Variants in IRS1 observed in about 807,000 individuals in gnomAD.
The protein encoded by IRS1 is insulin receptor substrate 1.
IRS1 carries 34 observed loss-of-function variants against 65.6 expected under a neutral mutation model. The observed-to-expected ratio is 0.52, with a 90% CI of 0.39 to 0.69. IRS1 has a LOEUF of 0.69. Among genes scored for constraint, IRS1 ranks in the 30% least tolerant of loss-of-function variants. The pLI is 0.00. For synonymous variants in IRS1, 699 were observed against 683.5 expected (o/e 1.02, Z -0.35); for missense variants, 1,641 against 1,720.2 (o/e 0.95, Z 0.81).
At position 226,797,528 on chromosome 2, in the gene IRS1, G is replaced by A. The variant is rs1395337787; in HGVS notation, c.1211C>T (p.Ser404Leu). Reference protein sequence around the residue: ...SSSTSGHGSTSDCLFPRRSSA... With the variant: ...SSSTSGHGSTLDCLFPRRSSA... ...AGATCGCCGTGGGAAGAGACAATCC[G>A]AGGTGGAGCCATGGCCACTGGTGCT... The change falls in exon 1 of 2, where the codon TCG (serine) becomes TTG (leucine). Residue 404 changes from serine (S) to leucine (L), a missense_variant. Ser to Leu is a moderately radical substitution (Grantham distance 145). Around this residue, in one of 3 missense-constraint regions of IRS1, gnomAD observed 1,324 missense variants for 1,361.0 expected, o/e 0.97. Coordinates refer to ENST00000305123, the MANE Select transcript of IRS1 (RefSeq NM_005544.3). The surrounding 1 kb of genome is among the most constrained non-coding windows in gnomAD (Gnocchi z 8.1). The A allele has an allele frequency of 6.2e-7, 1 of 1,611,062 alleles. No homozygotes were observed. Among genetic ancestry groups the A allele is most frequent in the African/African-American group, 1.3e-5 (1 of 75,026 alleles).
At chr2:226,750,798 T>C (rs1938663301) in intron 1 of IRS1, among the ~76,000 whole-genome samples, 1 of 152,216 alleles carries the variant, frequency 6.6e-6, no homozygotes, top group South Asian at 2.1e-4. Flanking sequence ...GTGGCACTTC[T>C]CTAACTTAAA....
intron 1 of IRS1, among the ~76,000 whole-genome samples, chr2:226,751,497 A>T (rs920510697): frequency 6.6e-6 from 1 of 151,806 alleles, no homozygotes; most frequent in Non-Finnish European, 1.5e-5. Context: ...GTTAGCCAGG[A>T]TGGTCTCGAT....
intron 1 of IRS1, among the ~76,000 whole-genome samples, chr2:226,791,795 G>C (rs1041372747): frequency 1.3e-5 from 2 of 152,102 alleles, no homozygotes; most frequent in Admixed American, 6.5e-5. Context: ...GCCCGAGGGC[G>C]GGGCCTCGCC....
Position 226,734,349 on chromosome 2 carries a change from G to A in IRS1, c.*1923C>T, listed in dbSNP as rs973754009. On this transcript the variant is annotated 3_prime_UTR_variant, in exon 2 of 2. Transcript: ENST00000305123. ...GACCCTATTTATCTTAGAAATTGAT[G>A]AGCATGCAAATGATTAAAATCTGCA... is the stretch of plus-strand genomic sequence containing the variant. The A allele has an allele frequency of 6.6e-6, 1 of 152,304 alleles. No homozygotes were observed. The allele number at this position is 152,304 out of a possible 1,614,324, so 9.4% of individuals were successfully genotyped here.
rs781289610 is a variant in IRS1, at chr2:226,796,118, G to T, written c.2621C>A (p.Ala874Asp). ...GDPKASTLPR[A>D]REQQQQQQPL... ...CTGCTGCTGCTGCTGCTGCTCTCGG[G>T]CCCGAGGTAAGGTGCTGGCCTTGGG... Residue 874 changes from alanine to aspartate, a missense_variant, in exon 1 of 2, where the codon GCC (alanine) becomes GAC (aspartate). Transcript: ENST00000305123. The T allele has an allele frequency of 1.2e-6, 2 of 1,613,670 alleles. No homozygotes were observed. The highest frequency in any genetic ancestry group is 1.7e-6 in the Non-Finnish European group (2 of 1,180,004).
intron 1 of IRS1, among the ~76,000 whole-genome samples, chr2:226,749,609 C>T (rs1938632228): frequency 6.6e-6 from 1 of 152,174 alleles, no homozygotes. Context: ...CCATGGTGGC[C>T]TCCTCCGTCT....
At chr2:226,738,634 A>G (rs1938376440) in intron 1 of IRS1, among the ~76,000 whole-genome samples, 1 of 152,208 alleles carries the variant, frequency 6.6e-6, no homozygotes, top group Admixed American at 6.5e-5. Flanking sequence ...ATGAAAAGAA[A>G]GCCCGTCCCT....
At chr2:226,766,761 T>A (rs1366111124) in intron 1 of IRS1, among the ~76,000 whole-genome samples, 1 of 152,162 alleles carries the variant, frequency 6.6e-6, no homozygotes, top group African/African-American at 2.4e-5. Context: ...TTTTGTGTCT[T>A]CTGCTTCCCT....
chr2:226,796,410 G>A lies in IRS1; in HGVS notation c.2329C>T (p.Pro777Ser), dbSNP rs1023103924. ...CGGGCACCCTCCTCCGGCTCCCCGGGGCGCTGGGTGTGCTTAAAGGATCTT... is the reference window on the plus strand; with the variant it reads ...CGGGCACCCTCCTCCGGCTCCCCGGAGCGCTGGGTGTGCTTAAAGGATCTT... ...LPRSFKHTQR[P>S]GEPEEGARHQ... is the part of the protein sequence containing the mutation. The change falls in exon 1 of 2, where the codon CCC (proline) becomes TCC (serine). Residue 777 changes from proline to serine, a missense_variant. Transcript: ENST00000305123. 1.2e-6 allele frequency: 2 copies of A among 1,613,456 alleles called. No individual in the cohort carries two copies. The highest frequency in any genetic ancestry group is 1.7e-6 in the Non-Finnish European group (2 of 1,180,046).
In IRS1 at chr2:226,732,985, T is replaced by C. The variant is rs1024531618; in HGVS notation, c.*3287A>G. ...CAGCATGAGACCAAATATGGGGTCA[T>C]TGTCACCAGCAGTTGGAAGACTGCA... On this transcript the variant is annotated 3_prime_UTR_variant, in exon 2 of 2. Transcript: ENST00000305123. 1 of 152,186 alleles carries C rather than the reference T, an allele frequency of 6.6e-6. No homozygotes were observed. The highest frequency in any genetic ancestry group is 2.4e-5 in the African/African-American group (1 of 41,440). 9.4% of individuals were successfully genotyped at this position (152,186 alleles called of 1,614,324 possible).
intron 1 of IRS1, among the ~76,000 whole-genome samples, chr2:226,764,341 T>G (rs546036862): frequency 6.6e-6 from 1 of 152,056 alleles, no homozygotes; most frequent in Admixed American, 6.6e-5. Context: ...GTCGGAAGTT[T>G]GAGACCAGCC....
At chr2:226,790,832 T>A (rs1043044579) in intron 1 of IRS1, among the ~76,000 whole-genome samples, 4 of 152,170 alleles carry the variant, frequency 2.6e-5, no homozygotes, top group Non-Finnish European at 2.9e-5. Flanking sequence ...CTCACATAAT[T>A]TTGGTTACTG....
intron 1 of IRS1, among the ~76,000 whole-genome samples, chr2:226,746,051 C>T (rs1454132149): frequency 6.6e-6 from 1 of 152,008 alleles, no homozygotes; most frequent in African/African-American, 2.4e-5. Context: ...GAGACAGTAG[C>T]ATTCACGTAC....
rs1212063253 is a variant in IRS1, at chr2:226,731,491, T to C, written c.*4781A>G. 6.6e-6 allele frequency: 1 copy of C among 152,058 alleles called. No individual in the cohort carries two copies. Among genetic ancestry groups the C allele is most frequent in the Non-Finnish European group, 1.5e-5 (1 of 67,996 alleles). 9.4% of individuals were successfully genotyped at this position (152,058 alleles called of 1,614,324 possible). On this transcript the variant is annotated 3_prime_UTR_variant, in exon 2 of 2. Coordinates refer to ENST00000305123, the MANE Select transcript of IRS1 (RefSeq NM_005544.3). ...GGAAAAAAAAAATTGAAAATAAGCA[T>C]AACACTATAAAGAAAACTTGGAAAA...
rs1939674614 is a variant in IRS1, at chr2:226,794,757, T to A, written c.*21+232A>T. Among the ~76,000 whole-genome samples, 1 of 152,162 alleles carries A rather than the reference T, an allele frequency of 6.6e-6. No homozygotes were observed. Among genetic ancestry groups the A allele is most frequent in the Non-Finnish European group, 1.5e-5 (1 of 68,030 alleles). ...TTTTAAAAATACTGCAGTAACTACT[T>A]CACTTGGGAATTCTCAAACGAAAAA... On this transcript the variant is annotated intron_variant, in intron 1 of 1. Transcript: ENST00000305123. The surrounding 1 kb of genome is among the most constrained non-coding windows in gnomAD (Gnocchi z 4.1).
intron 1 of IRS1, among the ~76,000 whole-genome samples, chr2:226,771,076 T>G (rs529284612): frequency 6.6e-6 from 1 of 152,304 alleles, no homozygotes; most frequent in Non-Finnish European, 1.5e-5. Context: ...CTAGATCCTG[T>G]CACTGTCAGT....
chr2:226,796,170 G>A lies in IRS1; in HGVS notation c.2569C>T (p.Arg857Trp), dbSNP rs1327028772. The A allele has an allele frequency of 3.1e-6, 5 of 1,613,570 alleles. No homozygotes were observed. Among genetic ancestry groups the A allele is most frequent in the East Asian group, 2.2e-5 (1 of 44,876 alleles). Residue 857 changes from arginine (R) to tryptophan (W), a missense_variant, in exon 1 of 2, where the codon CGG becomes TGG. By Grantham distance (101) the Arg-to-Trp change is moderately radical. Transcript: ENST00000305123. ...TAAQTNSRLARPTRLSLGDPK... is the reference protein window; with the variant it reads ...TAAQTNSRLAWPTRLSLGDPK... ...TCCCCCAGGGACAGCCTCGTGGGCC[G>A]GGCCAGGCGGCTATTGGTCTGAGCA...
At chr2:226,782,983 C>G (rs1160627764) in intron 1 of IRS1, among the ~76,000 whole-genome samples, 1 of 152,160 alleles carries the variant, frequency 6.6e-6, no homozygotes, top group African/African-American at 2.4e-5. Flanking sequence ...CTGGGCAACA[C>G]AGTGAGACTG....
chr2:226,774,035 CAG>C (rs1205211720), intron 1 of IRS1, among the ~76,000 whole-genome samples: 1 of 152,086 alleles, frequency 6.6e-6, no homozygotes, highest in African/African-American at 2.4e-5. Flanking sequence ...TGTAGTCCAA[CAG>C]AGAAAGCCCT....
Sources: allele counts gnomAD v4.1 joint callset (sites outside exome capture counted in the v4.1 genomes callset), GRCh38; gene constraint gnomAD v4.1.1; regional missense constraint gnomAD v4.1.1; non-coding constraint Gnocchi (gnomAD v3.1); transcripts MANE v1.5; gene names NCBI Gene and HGNC (gene_info 2026-07-23, HGNC 2026-07-21).